Variants in CDC42BPA observed in about 807,000 individuals in gnomAD.
The protein encoded by CDC42BPA is CDC42 binding protein kinase alpha, also known as serine/threonine-protein kinase MRCK alpha.
In CDC42BPA, 80 loss-of-function variants were observed where a neutral mutation model predicts 223.5. The observed-to-expected ratio is 0.36, with a 90% CI of 0.30 to 0.43. The LOEUF is 0.43. Ranked by LOEUF, CDC42BPA falls within the 20% of genes least tolerant of loss-of-function variation. CDC42BPA has a pLI of 1.00. For synonymous variants in CDC42BPA, 694 were observed against 718.6 expected, an observed-to-expected ratio of 0.97 and a Z score of 0.55; for missense variants, 1,743 against 2,099.9, an observed-to-expected ratio of 0.83 and a Z score of 3.32.
intron 6 of CDC42BPA, among the ~76,000 whole-genome samples, chr1:227,157,778 T>C (rs2149782412): frequency 6.6e-6 from 1 of 152,240 alleles, no homozygotes; most frequent in South Asian, 2.1e-4. Context: ...TCAAGTTCAC[T>C]GGCTGTTTCT....
At chr1:227,154,305 C>A (rs1431214535) in intron 6 of CDC42BPA, among the ~76,000 whole-genome samples, 1 of 151,808 alleles carries the variant, frequency 6.6e-6, no homozygotes, top group Non-Finnish European at 1.5e-5. Flanking sequence ...TAACTGCAAA[C>A]ATTAAATTAA....
In CDC42BPA at chr1:226,995,086, C is replaced by A. The variant is rs568617345; in HGVS notation, c.4976-106G>T. On this transcript the variant is annotated intron_variant, in intron 35 of 36. Transcript: ENST00000366766. ...AGGCCATCCTTTGCAGGCCCCAGAC[C>A]ACTCCTCCCCTGAAGCGCAGTAAGT... The A allele has an allele frequency of 1.6e-5, 15 of 967,490 alleles. No individual in the cohort carries two copies. In the African/African-American group the frequency reaches 2.4e-4, roughly 16 times the overall value. 59.9% of individuals were successfully genotyped at this position (967,490 alleles called of 1,614,324 possible).
intron 1 of CDC42BPA, among the ~76,000 whole-genome samples, chr1:227,262,969 A>G (rs998729095): frequency 5.3e-5 from 8 of 152,226 alleles, no homozygotes; most frequent in African/African-American, 1.9e-4. Flanking sequence ...GCAGTGGCTC[A>G]TGCCTGTAAT....
At chr1:227,075,108 C>T (rs1679186337) in intron 17 of CDC42BPA, among the ~76,000 whole-genome samples, 1 of 152,092 alleles carries the variant, frequency 6.6e-6, no homozygotes, top group African/African-American at 2.4e-5. Context: ...AAAGAAGGTC[C>T]TATTCTCAGG....
chr1:227,038,373 G>T (rs1432887577), intron 24 of CDC42BPA, among the ~76,000 whole-genome samples: 1 of 152,184 alleles, frequency 6.6e-6, no homozygotes, highest in African/African-American at 2.4e-5. Context: ...TTAGCAATGT[G>T]AGAAGAGACA....
chr1:227,310,683 T>G (rs1241122131), intron 1 of CDC42BPA, among the ~76,000 whole-genome samples: 2 of 137,918 alleles, frequency 1.5e-5, no homozygotes, highest in Non-Finnish European at 3.1e-5. Context: ...AGTTTTTTTT[T>G]TTGTTTTTTG....
intron 5 of CDC42BPA, among the ~76,000 whole-genome samples, chr1:227,171,684 A>C (rs1666130431): frequency 6.6e-6 from 1 of 151,748 alleles, no homozygotes; most frequent in Non-Finnish European, 1.5e-5. Context: ...TTTTTTTTTT[A>C]ACTTCACTAG....
At chr1:227,293,769 C>T (rs944789917) in intron 1 of CDC42BPA, among the ~76,000 whole-genome samples, 1 of 152,102 alleles carries the variant, frequency 6.6e-6, no homozygotes, top group Non-Finnish European at 1.5e-5. Flanking sequence ...CGAGATGGCG[C>T]CATTGCACTC....
rs377292181 is a variant in CDC42BPA at position 227,112,875 on chromosome 1, G to C, written c.1686C>G (p.Ser562=). 3 of 1,613,758 alleles carry C rather than the reference G, an allele frequency of 1.9e-6. No homozygotes were observed. The highest frequency in any genetic ancestry group is 2.5e-6 in the Non-Finnish European group (3 of 1,179,868). ...GACAGTGTGCGTCTTTCAGCTCTTT[G>C]GATTGGTTTTTTAATCGCTCACTAG... is the stretch of plus-strand genomic sequence containing the variant. The part of the protein sequence containing the change: ...VQASERLKNQ[S]KELKDAHCQR... Residue 562 remains serine, a synonymous_variant, in exon 13 of 37, where the codon TCC becomes TCG. Coordinates refer to ENST00000366766, the MANE Select transcript of CDC42BPA (RefSeq NM_001394014.1).
chr1:227,047,251 T>A (rs903599537), intron 23 of CDC42BPA, among the ~76,000 whole-genome samples: 1 of 152,200 alleles, frequency 6.6e-6, no homozygotes, highest in Non-Finnish European at 1.5e-5. Context: ...ATACTTCTTA[T>A]CTCTTTAAGG....
chr1:227,014,785 T>G lies in CDC42BPA; in HGVS notation c.4857+1295A>C, dbSNP rs142355544. On this transcript the variant is annotated intron_variant, in intron 34 of 36. Coordinates refer to ENST00000366766, the MANE Select transcript of CDC42BPA (RefSeq NM_001394014.1). ...TTATACTTAAAATTCTGCGCAAAATTTAGCAGCTATCACTACCAATCAAAA... is the reference window on the plus strand; with the variant it reads ...TTATACTTAAAATTCTGCGCAAAATGTAGCAGCTATCACTACCAATCAAAA... Among the ~76,000 whole-genome samples the G allele has an allele frequency of 2.5e-3, 375 of 152,258 alleles. 5 individuals carry two copies. Among genetic ancestry groups the G allele is most frequent in the African/African-American group, 8.2e-3 (339 of 41,550 alleles).
intron 21 of CDC42BPA, among the ~76,000 whole-genome samples, chr1:227,063,647 G>A (rs1676391455): frequency 6.6e-6 from 1 of 152,144 alleles, no homozygotes; most frequent in South Asian, 2.1e-4. Flanking sequence ...TGGTGAATAT[G>A]TGGATAGAAA....
At chr1:227,279,035 G>C (rs1358816556) in intron 1 of CDC42BPA, among the ~76,000 whole-genome samples, 1 of 150,726 alleles carries the variant, frequency 6.6e-6, no homozygotes, top group Non-Finnish European at 1.5e-5. Flanking sequence ...TTACTGTCTT[G>C]TAATTTTTTT....
intron 14 of CDC42BPA, among the ~76,000 whole-genome samples, chr1:227,109,228 C>A (rs142345989): frequency 7.7e-4 from 117 of 152,198 alleles, no homozygotes; most frequent in African/African-American, 2.5e-3. Flanking sequence ...TATACTTAGG[C>A]TACACTATTT....
intron 5 of CDC42BPA, among the ~76,000 whole-genome samples, chr1:227,193,076 T>C (rs1334675513): frequency 6.9e-6 from 1 of 145,934 alleles, no homozygotes; most frequent in East Asian, 2.0e-4. Context: ...TTTTTTTTTT[T>C]TTTTTTTTTG....
intron 10 of CDC42BPA, among the ~76,000 whole-genome samples, chr1:227,132,191 C>A (rs143936509): frequency 0.014 from 2,145 of 152,110 alleles, 57 homozygotes; most frequent in African/African-American, 0.047. Flanking sequence ...TGATGCCGAG[C>A]CAAAGCTGGA....
rs543650818 is a variant in CDC42BPA at position 227,145,102 on chromosome 1, T to C, written c.1143+387A>G. Among the ~76,000 whole-genome samples the C allele has an allele frequency of 3.5e-4, 53 of 152,338 alleles. 1 individual carries two copies. The highest frequency in any genetic ancestry group is 6.6e-4 in the Non-Finnish European group (45 of 68,028). On this transcript the variant is annotated intron_variant, in intron 8 of 36. Coordinates refer to ENST00000366766, the MANE Select transcript of CDC42BPA (RefSeq NM_001394014.1). Reference sequence around the variant, plus strand: ...AATTTATTTCTCTTCAATTGTTGTATCAGGCCCTGACATGGTTGATTTTGA... The same window carrying C: ...AATTTATTTCTCTTCAATTGTTGTACCAGGCCCTGACATGGTTGATTTTGA...
chr1:226,997,274 T>C (rs1661819006), intron 35 of CDC42BPA, among the ~76,000 whole-genome samples: 1 of 152,222 alleles, frequency 6.6e-6, no homozygotes, highest in Non-Finnish European at 1.5e-5. Flanking sequence ...TTGATGGTAG[T>C]TTCTATTTCT....
chr1:227,018,705 A>G (rs1302696648), intron 32 of CDC42BPA, among the ~76,000 whole-genome samples: 1 of 152,212 alleles, frequency 6.6e-6, no homozygotes, highest in Admixed American at 6.5e-5. Context: ...TCAATTTGAG[A>G]CCACATAATA....
Sources: gnomAD v4.1 joint callset for allele counts (sites outside exome capture counted in the v4.1 genomes callset) on GRCh38, gnomAD v4.1.1 for gene constraint, MANE v1.5 for transcripts, NCBI Gene and HGNC (gene_info 2026-07-23, HGNC 2026-07-21) for gene names.